STAU2: variants seen among roughly 807,000 people sequenced by gnomAD.
STAU2 encodes double-stranded RNA-binding protein Staufen homolog 2.
Under a neutral mutation model 65.9 loss-of-function variants are expected in STAU2, and 20 were observed. The observed-to-expected ratio is 0.30, with a 90% CI of 0.21 to 0.44. STAU2 has a LOEUF of 0.44. Ranked by LOEUF, STAU2 falls within the 20% of genes least tolerant of loss-of-function variation. The probability of loss-of-function intolerance (pLI) is 1.00; values close to 1 mark genes in which losing one functional copy is unlikely to be tolerated. For synonymous variants in STAU2, 232 were observed against 233.9 expected, an observed-to-expected ratio of 0.99 and a Z score of 0.07; for missense variants, 558 against 683.9, an observed-to-expected ratio of 0.82 and a Z score of 2.05.
chr8:73,711,555 TAGA>T (rs538977265), intron 3 of STAU2, among the ~76,000 whole-genome samples: 133 of 152,266 alleles, frequency 8.7e-4, no homozygotes, highest in Non-Finnish European at 1.7e-3. Context: ...CAAAACATAT[TAGA>T]AGCATACAAA....
Position 73,617,392 on chromosome 8 carries a change from A to G in STAU2, c.470T>C (p.Phe157Ser), listed in dbSNP as rs1476818705. Residue 157 changes from phenylalanine to serine, a missense_variant, in exon 7 of 15, where the codon TTT becomes TCT. Around this residue, in one of 3 missense-constraint regions of STAU2, gnomAD observed 199 missense variants for 299.5 expected, o/e 0.66. Transcript: ENST00000524300. ...TTGTCGAGTCTTTCCTTCCCCAAAA[A>G]ATTCATTATTTCCTACAGTGAGCTG... ...YVQLTVGNNE[F>S]FGEGKTRQAA... 6.2e-7 allele frequency: 1 copy of G among 1,614,116 alleles called. No homozygotes were observed.
In STAU2 at chr8:73,595,166, C is replaced by T. The variant is rs1811092781; in HGVS notation, c.1161G>A (p.Lys387=). 1 of 1,600,044 alleles carries T rather than the reference C, an allele frequency of 6.2e-7. No individual in the cohort carries two copies. The highest frequency in any genetic ancestry group is 8.5e-7 in the Non-Finnish European group (1 of 1,175,124). ...ASTNLQDQLE[K]TGENKGWSGP... Reference sequence around the variant, plus strand: ...ACATACATGTAAACTTAACTCTTACCTTCTCAAGTTGATCCTGAAGATTAG... The same window carrying T: ...ACATACATGTAAACTTAACTCTTACTTTCTCAAGTTGATCCTGAAGATTAG... Residue 387 remains lysine (K), a splice_region_variant and synonymous_variant, in exon 11 of 15, where the codon AAG becomes AAA. Coordinates refer to ENST00000524300, the MANE Select transcript of STAU2 (RefSeq NM_001164380.2).
chr8:73,441,174 A>C (rs1818106217), intron 13 of STAU2: 1 of 152,328 alleles, frequency 6.6e-6, no homozygotes, highest in Admixed American at 6.5e-5. Flanking sequence ...ATTTCATTAA[A>C]ATTTTATTGC....
At chr8:73,627,893 T>A (rs1194338466) in intron 6 of STAU2, among the ~76,000 whole-genome samples, 1 of 152,016 alleles carries the variant, frequency 6.6e-6, no homozygotes, top group South Asian at 2.1e-4. Context: ...CTAAGAGCCA[T>A]CAGTAATAAG....
chr8:73,430,394 G>C (rs955310930), intron 13 of STAU2, among the ~76,000 whole-genome samples: 11 of 152,218 alleles, frequency 7.2e-5, no homozygotes, highest in Non-Finnish European at 1.5e-4. Flanking sequence ...AGAACCCTCA[G>C]AGCGGCTGCC....
chr8:73,498,715 A>G (rs7844571), intron 13 of STAU2, among the ~76,000 whole-genome samples: 58,818 of 151,656 alleles, frequency 0.39, 13,008 homozygotes, highest in Non-Finnish European at 0.49. Flanking sequence ...GGGGAGATTA[A>G]GAAACTTGCC....
chr8:73,606,635 T>C (rs1812051591), intron 9 of STAU2, among the ~76,000 whole-genome samples: 1 of 152,200 alleles, frequency 6.6e-6, no homozygotes, highest in African/African-American at 2.4e-5. Context: ...ACACTGCTGA[T>C]GAGAATGTAA....
intron 13 of STAU2, among the ~76,000 whole-genome samples, chr8:73,486,270 T>G (rs1820905550): frequency 1.3e-5 from 2 of 152,196 alleles, no homozygotes; most frequent in South Asian, 4.1e-4. Flanking sequence ...AACAAGTAAC[T>G]AAATTGATTC....
intron 13 of STAU2, among the ~76,000 whole-genome samples, chr8:73,471,902 C>T (rs1465548745): frequency 6.7e-6 from 1 of 150,124 alleles, no homozygotes; most frequent in East Asian, 2.0e-4. Context: ...TAGGTTAGCA[C>T]TCTCTTGTAA....
chr8:73,559,028 C>T (rs1242462466), intron 12 of STAU2, among the ~76,000 whole-genome samples: 1 of 152,116 alleles, frequency 6.6e-6, no homozygotes, highest in African/African-American at 2.4e-5. Flanking sequence ...TTATGAACAA[C>T]AGCATGATTA....
At chr8:73,572,189 G>T (rs1382241116) in intron 12 of STAU2, among the ~76,000 whole-genome samples, 6 of 152,178 alleles carry the variant, frequency 3.9e-5, no homozygotes, top group African/African-American at 1.4e-4. Flanking sequence ...ACCCTCCTAA[G>T]ACTAAACCAG....
At chr8:73,489,654 C>G (rs1404586484) in intron 13 of STAU2, among the ~76,000 whole-genome samples, 1 of 151,998 alleles carries the variant, frequency 6.6e-6, no homozygotes, top group East Asian at 1.9e-4. Context: ...TAATGAAGTT[C>G]CAATCATTTA....
chr8:73,631,973 G>A (rs1370224392), intron 6 of STAU2, among the ~76,000 whole-genome samples: 1 of 151,022 alleles, frequency 6.6e-6, no homozygotes, highest in African/African-American at 2.4e-5. Flanking sequence ...AGAGAGAGGA[G>A]GGATAAGGAC....
At chr8:73,593,411 C>T (rs1810962204) in intron 11 of STAU2, among the ~76,000 whole-genome samples, 1 of 152,224 alleles carries the variant, frequency 6.6e-6, no homozygotes. Context: ...TAAAATTCCT[C>T]ACTCCCTGCA....
At chr8:73,455,252 A>G (rs1345371179) in intron 13 of STAU2, among the ~76,000 whole-genome samples, 1 of 152,076 alleles carries the variant, frequency 6.6e-6, no homozygotes, top group Non-Finnish European at 1.5e-5. Flanking sequence ...CAGCTATCTG[A>G]TGGTAAGGAA....
At chr8:73,425,387 C>G (rs1022822592) in intron 13 of STAU2, among the ~76,000 whole-genome samples, 1 of 152,144 alleles carries the variant, frequency 6.6e-6, no homozygotes, top group Non-Finnish European at 1.5e-5. Flanking sequence ...CCAAGGAACA[C>G]CAAAGATTGC....
chr8:73,606,330 T>C (rs955155807), intron 9 of STAU2, among the ~76,000 whole-genome samples: 2 of 151,980 alleles, frequency 1.3e-5, no homozygotes, highest in African/African-American at 2.4e-5. Context: ...GCAAAGTACA[T>C]ATGTAATAAA....
intron 12 of STAU2, among the ~76,000 whole-genome samples, chr8:73,568,277 C>G (rs960565675): frequency 6.6e-6 from 1 of 152,188 alleles, no homozygotes; most frequent in South Asian, 2.1e-4. Context: ...ACACACATTA[C>G]TTTAAACTGA....
intron 12 of STAU2, among the ~76,000 whole-genome samples, chr8:73,557,856 C>T (rs1430334981): frequency 6.6e-6 from 1 of 152,184 alleles, no homozygotes; most frequent in African/African-American, 2.4e-5. Context: ...CTGGTTTTGC[C>T]TTTGATGCTC....
Sources: allele counts gnomAD v4.1 joint callset (sites outside exome capture counted in the v4.1 genomes callset), GRCh38; gene constraint gnomAD v4.1.1; regional missense constraint gnomAD v4.1.1; transcripts MANE v1.5; gene names NCBI Gene and HGNC (gene_info 2026-07-23, HGNC 2026-07-21).